The following SGCZ variants were observed in gnomAD, a reference collection of about 807,000 sequenced individuals.
The protein encoded by SGCZ is sarcoglycan zeta, also known as zeta-sarcoglycan.
Under a neutral mutation model 41.3 loss-of-function variants are expected in SGCZ, and 40 were observed. That is an observed-to-expected ratio of 0.97 (90% CI 0.75 to 1.26). The LOEUF is 1.26. SGCZ is among the 50% of genes most tolerant of loss of function. The pLI is 0.00. For missense variants in SGCZ, 552 were observed against 369.8 expected (o/e 1.49, Z -4.04); for synonymous variants, 206 against 137.5 (o/e 1.50, Z -3.49).
In SGCZ at chr8:14,324,151, T is replaced by A; in HGVS notation, c.288A>T (p.Ile96=). The A allele has an allele frequency of 6.2e-7, 1 of 1,613,240 alleles. No homozygotes were observed. Among genetic ancestry groups the A allele is most frequent in the Non-Finnish European group, 8.5e-7 (1 of 1,179,600 alleles). The part of the protein sequence containing the change: ...VTKKGIRLEG[I]SEFLLPLYVK... ...CATACAATGGAAGTAGAAACTCAGA[T>A]ATACCTTCAAGTCGGATTCCCTTCT... The change falls in exon 3 of 8, where the codon ATA becomes ATT. Residue 96 remains isoleucine, a synonymous_variant. Transcript: ENST00000382080.
At chr8:15,175,219 GAC>G (rs1161467270) in intron 1 of SGCZ, among the ~76,000 whole-genome samples, 7 of 152,224 alleles carry the variant, frequency 4.6e-5, no homozygotes, top group South Asian at 4.1e-4. Flanking sequence ...CTATTGTAAA[GAC>G]ACATGCATGC....
At chr8:14,146,583 C>T (rs1355245889) in intron 5 of SGCZ, among the ~76,000 whole-genome samples, 3 of 152,036 alleles carry the variant, frequency 2.0e-5, no homozygotes, top group Non-Finnish European at 4.4e-5. Context: ...CTACTCTTAT[C>T]CTAAATAGAC....
At chr8:14,729,304 A>C (rs545831937) in intron 1 of SGCZ, among the ~76,000 whole-genome samples, 22 of 152,302 alleles carry the variant, frequency 1.4e-4, no homozygotes, top group African/African-American at 5.1e-4. Flanking sequence ...CACATGAATG[A>C]ACCTTTCAGT....
intron 1 of SGCZ, among the ~76,000 whole-genome samples, chr8:14,747,410 C>T (rs561564497): frequency 1.1e-4 from 17 of 152,176 alleles, no homozygotes; most frequent in African/African-American, 2.6e-4. Flanking sequence ...TGCAACAATA[C>T]GGTGACAAAA....
chr8:15,219,186 T>C (rs1280216950), intron 1 of SGCZ, among the ~76,000 whole-genome samples: 2 of 152,234 alleles, frequency 1.3e-5, no homozygotes, highest in Non-Finnish European at 2.9e-5. Context: ...AATTCATTTC[T>C]TTTCAGAGTT....
At chr8:14,226,989 C>T (rs1255769629) in intron 4 of SGCZ, among the ~76,000 whole-genome samples, 1 of 152,208 alleles carries the variant, frequency 6.6e-6, no homozygotes, top group East Asian at 1.9e-4. Flanking sequence ...TCCCCAGATA[C>T]ATTTACCTAT....
chr8:14,214,173 A>G (rs569249599), intron 4 of SGCZ, among the ~76,000 whole-genome samples: 66 of 152,250 alleles, frequency 4.3e-4, no homozygotes, highest in Middle Eastern at 6.8e-3. Flanking sequence ...TCCTCCCCAG[A>G]ACACATTACT....
chr8:14,398,756 G>C (rs1434029128), intron 2 of SGCZ, among the ~76,000 whole-genome samples: 1 of 152,130 alleles, frequency 6.6e-6, no homozygotes, highest in South Asian at 2.1e-4. Context: ...TACAGAGTCT[G>C]AGTTATAATG....
intron 2 of SGCZ, among the ~76,000 whole-genome samples, chr8:14,499,324 G>C (rs2410187): frequency 2.0e-5 from 3 of 151,882 alleles, no homozygotes; most frequent in Non-Finnish European, 4.4e-5. Flanking sequence ...AGTAGACAAT[G>C]TCTTAACTTC....
intron 2 of SGCZ, among the ~76,000 whole-genome samples, chr8:14,471,731 T>C (rs908136364): frequency 1.3e-5 from 2 of 152,238 alleles, no homozygotes; most frequent in African/African-American, 4.8e-5. Context: ...ATAATTTCCG[T>C]GCCCATTTAA....
At chr8:15,214,703 G>C (rs1160616651) in intron 1 of SGCZ, among the ~76,000 whole-genome samples, 6 of 152,060 alleles carry the variant, frequency 3.9e-5, no homozygotes, top group African/African-American at 1.4e-4. Context: ...CCTCACAGAG[G>C]TCATATTTAA....
At chr8:14,662,077 G>T (rs1462926456) in intron 1 of SGCZ, among the ~76,000 whole-genome samples, 1 of 152,058 alleles carries the variant, frequency 6.6e-6, no homozygotes, top group Non-Finnish European at 1.5e-5. Flanking sequence ...ATATATCTTA[G>T]AAAGCAGCTT....
intron 1 of SGCZ, among the ~76,000 whole-genome samples, chr8:14,624,572 T>A (rs1252784051): frequency 0.019 from 2,503 of 133,642 alleles, 81 homozygotes; most frequent in African/African-American, 0.057. Flanking sequence ...TTTTTTTTTT[T>A]TTTTTTTTTT....
intron 1 of SGCZ, among the ~76,000 whole-genome samples, chr8:14,705,823 C>T (rs1243435867): frequency 6.6e-6 from 1 of 151,942 alleles, no homozygotes; most frequent in Non-Finnish European, 1.5e-5. Context: ...TTATTCAGTA[C>T]ATAGAACTTT....
At chr8:14,902,074 C>G (rs781109387) in intron 1 of SGCZ, among the ~76,000 whole-genome samples, 34 of 152,162 alleles carry the variant, frequency 2.2e-4, no homozygotes, top group Admixed American at 1.1e-3. Flanking sequence ...AACTATTTGG[C>G]TCCATAAATG....
chr8:15,233,979 G>C (rs1802044298), intron 1 of SGCZ, among the ~76,000 whole-genome samples: 1 of 152,088 alleles, frequency 6.6e-6, no homozygotes, highest in Non-Finnish European at 1.5e-5. Context: ...GCATCTGAAA[G>C]CATGACTTAA....
chr8:14,643,652 A>T (rs1373527854), intron 1 of SGCZ, among the ~76,000 whole-genome samples: 2 of 151,758 alleles, frequency 1.3e-5, no homozygotes, highest in African/African-American at 4.8e-5. Flanking sequence ...TATATTCAAC[A>T]GGAGCATCAC....
chr8:14,391,721 T>G (rs1287581758), intron 2 of SGCZ, among the ~76,000 whole-genome samples: 2 of 152,132 alleles, frequency 1.3e-5, no homozygotes, highest in Admixed American at 6.6e-5. Flanking sequence ...TGTTCTAATA[T>G]TACTATAAAG....
chr8:14,258,550 G>C (rs1799544897), intron 3 of SGCZ, among the ~76,000 whole-genome samples: 1 of 151,992 alleles, frequency 6.6e-6, no homozygotes, highest in African/African-American at 2.4e-5. Flanking sequence ...CAGAAGATTT[G>C]TACTTCTCCA....
Sources: gnomAD v4.1 joint callset for allele counts (sites outside exome capture counted in the v4.1 genomes callset) on GRCh38, gnomAD v4.1.1 for gene constraint, MANE v1.5 for transcripts, NCBI Gene and HGNC (gene_info 2026-07-23, HGNC 2026-07-21) for gene names.